ACO2: variants seen among roughly 807,000 people sequenced by gnomAD.
ACO2 encodes the protein aconitase 2, also known as aconitate hydratase, mitochondrial.
In ACO2, 31 loss-of-function variants were observed where a neutral mutation model predicts 84.5. The ratio of observed to expected loss-of-function variants is 0.37; its 90% confidence interval spans 0.28 to 0.50. The LOEUF (loss-of-function observed/expected upper bound fraction) is 0.50, where lower values mean the gene tolerates loss of function less well. Ranked by LOEUF, ACO2 falls within the 20% of genes least tolerant of loss-of-function variation. The pLI is 0.97. For missense variants in ACO2, 685 were observed against 1,029.3 expected, an observed-to-expected ratio of 0.67 and a Z score of 4.58; for synonymous variants, 414 against 412.7, an observed-to-expected ratio of 1.00 and a Z score of -0.04.
intron 1 of ACO2, among the ~76,000 whole-genome samples, chr22:41,482,249 A>T (rs1007426142): frequency 6.6e-6 from 1 of 152,194 alleles, no homozygotes; most frequent in African/African-American, 2.4e-5. Flanking sequence ...AGCAGTTGGG[A>T]CCAACAACCC....
chr22:41,526,628 T>C (rs530966775), intron 15 of ACO2, 175 bp downstream of exon 15: 1 of 626,454 alleles, frequency 1.6e-6, no homozygotes, highest in East Asian at 3.0e-5. Flanking sequence ...TGAGAAGGCA[T>C]GAGGCCCAGG....
chr22:41,521,649 G>A (rs1367647917), intron 9 of ACO2: 1 of 152,092 alleles, frequency 6.6e-6, no homozygotes, highest in South Asian at 2.1e-4. Context: ...TAATGTGTTC[G>A]CCCTTATTCA....
rs201718643 is a variant in ACO2, at chr22:41,515,732, G to T, written c.685-35G>T. 6.2e-7 allele frequency: 1 copy of T among 1,611,968 alleles called. No homozygotes were observed. Among genetic ancestry groups the T allele is most frequent in the East Asian group, 2.2e-5 (1 of 44,880 alleles). On this transcript the variant is annotated intron_variant, in intron 5 of 17. Transcript: ENST00000216254. This position sits in a 1 kb window ranked among gnomAD's most constrained non-coding sequence, Gnocchi z 5.8. ...CTTCGTGGCTGGCACAGGCACACAC[G>T]GCCTCTCACAGCCGCCTCGCCCCCT...
rs1441290778 is a variant in ACO2, at chr22:41,517,515, G to GTTGCTC, written c.836-11_836-6dup. The GTTGCTC allele has an allele frequency of 4.3e-6, 7 of 1,612,600 alleles. No homozygotes were observed. Among genetic ancestry groups the GTTGCTC allele is most frequent in the Non-Finnish European group, 5.9e-6 (7 of 1,179,330 alleles). ...GCCACCAGCCAATGCCCGGGGCTCT[G>GTTGCTC]TTGCTCCACAGGCATGGCGACAATC... On this transcript the variant is annotated splice_polypyrimidine_tract_variant and intron_variant, in intron 6 of 17. Coordinates refer to ENST00000216254, the MANE Select transcript of ACO2 (RefSeq NM_001098.3).
At position 41,499,657 on chromosome 22, in the gene ACO2, T is replaced by G. The variant is rs1328678506; in HGVS notation, c.37-69T>G. 5.2e-6 allele frequency: 8 copies of G among 1,543,820 alleles called. No individual in the cohort carries two copies. The African/African-American group carries it at 9.6e-5, about 19-fold the overall frequency. On this transcript the variant is annotated intron_variant, in intron 1 of 17. Transcript: ENST00000216254. Reference sequence around the variant, plus strand: ...AATTCCTGGATTTTTTTCACCATACTGAGCTGCCCTCGGGGATGGACTCTC... The same window carrying G: ...AATTCCTGGATTTTTTTCACCATACGGAGCTGCCCTCGGGGATGGACTCTC...
chr22:41,499,236 T>C (rs778355353), intron 1 of ACO2, among the ~76,000 whole-genome samples: 7 of 152,160 alleles, frequency 4.6e-5, no homozygotes, highest in Admixed American at 2.0e-4. Context: ...TGCCAGGTAG[T>C]CCAGACATAG....
chr22:41,524,004 G>T, intron 12 of ACO2, 63 bp downstream of exon 12: 4 of 1,456,334 alleles, frequency 2.7e-6, no homozygotes, highest in Admixed American at 1.8e-5. Context: ...CGGGTCAGAG[G>T]AGGAGGCAGA....
intron 2 of ACO2, among the ~76,000 whole-genome samples, chr22:41,502,457 C>T (rs2066360044): frequency 6.6e-6 from 1 of 152,328 alleles, no homozygotes; most frequent in East Asian, 1.9e-4. Flanking sequence ...ACCACTGTCC[C>T]TGTCAATATA....
In ACO2 at chr22:41,528,484, G is replaced by C. The variant is rs756738870; in HGVS notation, c.2214G>C (p.Leu738=). 15 of 1,612,068 alleles carry C rather than the reference G, an allele frequency of 9.3e-6. No individual in the cohort carries two copies. Among genetic ancestry groups the C allele is most frequent in the African/African-American group, 6.7e-5 (5 of 74,848 alleles). ...CACCCACCTTCTCCTTGCAGCCCCT[G>C]AAGTGCATCATCAAGCACCCCAACG... is the stretch of plus-strand genomic sequence containing the variant. ...GLKDFTPGKP[L]KCIIKHPNGT... is the part of the protein sequence containing the mutation. Residue 738 remains leucine, a synonymous_variant, in exon 18 of 18, where the codon CTG becomes CTC. Transcript: ENST00000216254.
intron 1 of ACO2, among the ~76,000 whole-genome samples, chr22:41,487,660 G>C (rs1264753808): frequency 6.6e-6 from 1 of 151,966 alleles, no homozygotes; most frequent in Non-Finnish European, 1.5e-5. Context: ...GTGATCTGGG[G>C]TCATCTTGAG....
intron 1 of ACO2, among the ~76,000 whole-genome samples, chr22:41,493,251 C>T (rs1258856976): frequency 6.6e-6 from 1 of 152,148 alleles, no homozygotes; most frequent in Non-Finnish European, 1.5e-5. Flanking sequence ...GAGTTGCCAA[C>T]ACATAAACTT....
intron 1 of ACO2, among the ~76,000 whole-genome samples, chr22:41,474,041 G>A (rs1022765189): frequency 6.6e-6 from 1 of 152,086 alleles, no homozygotes; most frequent in African/African-American, 2.4e-5. Context: ...GACCATAGAG[G>A]GTCAAAAGGA....
At chr22:41,469,314 C>A in intron 1 of ACO2, 132 bp downstream of exon 1, 1 of 1,115,814 alleles carries the variant, frequency 9.0e-7, no homozygotes, top group Non-Finnish European at 1.2e-6. Flanking sequence ...CGGTTGTGGG[C>A]CCGGCACCCG....
Position 41,511,743 on chromosome 22 carries a change from C to T in ACO2, c.433-133C>T. 5 of 621,448 alleles carry T rather than the reference C, an allele frequency of 8.0e-6. No individual in the cohort carries two copies. In the Admixed American group the frequency reaches 9.9e-5, roughly 12 times the overall value. 38.5% of individuals were successfully genotyped at this position (621,448 alleles called of 1,614,324 possible). On this transcript the variant is annotated intron_variant, in intron 3 of 17. Transcript: ENST00000216254. ...CTTTGGAATTATTTTTAGAAGGTCT[C>T]TAAGAGAGGGCCTGTCTCCAGTGCC...
At chr22:41,512,133 A>G (rs1258880627) in intron 4 of ACO2, 165 bp downstream of exon 4, 1 of 551,156 alleles carries the variant, frequency 1.8e-6, no homozygotes, top group African/African-American at 2.0e-5. Context: ...GATTTTCATT[A>G]TGTCATTATA....
At chr22:41,523,323 T>G in intron 11 of ACO2, 45 bp downstream of exon 11, 1 of 1,470,870 alleles carries the variant, frequency 6.8e-7, no homozygotes, top group Admixed American at 2.0e-5. Flanking sequence ...GTGCACAGGG[T>G]ACAGAGCCCC....
At chr22:41,484,979 A>G (rs1340107468) in intron 1 of ACO2, among the ~76,000 whole-genome samples, 6 of 148,626 alleles carry the variant, frequency 4.0e-5, no homozygotes, top group Admixed American at 1.4e-4. Flanking sequence ...GGTTCAAGTG[A>G]TTCTCCTGCC....
At chr22:41,512,136 T>G in intron 4 of ACO2, 168 bp downstream of exon 4, 1 of 534,766 alleles carries the variant, frequency 1.9e-6, no homozygotes, top group Non-Finnish European at 3.2e-6. Context: ...TTTCATTATG[T>G]CATTATACGT....
chr22:41,511,850 G>A (rs1345444142), intron 3 of ACO2, 26 bp from the exon 4 acceptor site: 7 of 1,565,514 alleles, frequency 4.5e-6, no homozygotes, highest in Non-Finnish European at 8.7e-7. Flanking sequence ...TGTTGCTAAC[G>A]CCCAATTATT....
Sources: gnomAD v4.1 joint callset for allele counts (sites outside exome capture counted in the v4.1 genomes callset) on GRCh38, gnomAD v4.1.1 for gene constraint, Gnocchi (gnomAD v3.1) non-coding constraint, MANE v1.5 for transcripts, NCBI Gene and HGNC (gene_info 2026-07-23, HGNC 2026-07-21) for gene names.